ABCC8: variants seen among roughly 807,000 people sequenced by gnomAD.
ABCC8 encodes the protein ATP-binding cassette sub-family C member 8.
Under a neutral mutation model 188.0 loss-of-function variants are expected in ABCC8, and 137 were observed. The ratio of observed to expected loss-of-function variants is 0.73; its 90% CI spans 0.63 to 0.84. The LOEUF is 0.84. ABCC8 is among the 40% of genes least tolerant of loss of function. ABCC8 has a pLI of 0.00. For synonymous variants in ABCC8, 797 were observed against 846.5 expected (o/e 0.94, Z 1.01); for missense variants, 1,750 against 2,072.7 (o/e 0.84, Z 3.02).
At chr11:17,432,999 T>C (rs985996812) in intron 10 of ABCC8, among the ~76,000 whole-genome samples, 2 of 152,218 alleles carry the variant, frequency 1.3e-5, no homozygotes, top group African/African-American at 4.8e-5. Context: ...TACTTGTTCA[T>C]ACACCCCAGC....
At chr11:17,468,081 G>T (rs1310660821) in intron 3 of ABCC8, among the ~76,000 whole-genome samples, 2 of 152,208 alleles carry the variant, frequency 1.3e-5, no homozygotes, top group African/African-American at 4.8e-5. Flanking sequence ...GCTCTCTGAA[G>T]CCTGTATTTA....
intron 18 of ABCC8, 27 bp downstream of exon 18, chr11:17,415,277 G>A (rs1955014821): frequency 1.2e-6 from 2 of 1,601,848 alleles, no homozygotes; most frequent in African/African-American, 1.3e-5. Flanking sequence ...GTTGACCCTG[G>A]GGGGCAATGT....
chr11:17,424,371 G>C (rs1955489362), intron 16 of ABCC8, among the ~76,000 whole-genome samples: 1 of 152,248 alleles, frequency 6.6e-6, no homozygotes, highest in Admixed American at 6.5e-5. Flanking sequence ...CTCTGCCTTG[G>C]AGAGGCTCCT....
At chr11:17,419,597 T>C (rs1273979534) in intron 16 of ABCC8, among the ~76,000 whole-genome samples, 2 of 152,238 alleles carry the variant, frequency 1.3e-5, no homozygotes, top group Non-Finnish European at 2.9e-5. Flanking sequence ...TTTTCTAATG[T>C]AATGTGCATT....
intron 16 of ABCC8, among the ~76,000 whole-genome samples, chr11:17,421,925 C>T (rs948620092): frequency 6.6e-6 from 1 of 152,370 alleles, no homozygotes; most frequent in East Asian, 1.9e-4. Context: ...CTCCTTCTGG[C>T]TGCCTGGTCA....
intron 29 of ABCC8, among the ~76,000 whole-genome samples, chr11:17,399,664 C>A (rs1954134714): frequency 6.6e-6 from 1 of 152,222 alleles, no homozygotes; most frequent in Non-Finnish European, 1.5e-5. Flanking sequence ...ACATGCATTT[C>A]TCTAGCTATT....
intron 20 of ABCC8, 184 bp from the exon 21 acceptor site, chr11:17,412,930 A>G: frequency 7.5e-7 from 1 of 1,331,264 alleles, no homozygotes; most frequent in Non-Finnish European, 1.0e-6. Context: ...AGAGGGCAGC[A>G]TGAGCCCCAA....
downstream of ABCC8, chr11:17,392,646 CT>C (rs2133388927): frequency 2.7e-6 from 1 of 376,416 alleles, no homozygotes; most frequent in Non-Finnish European, 5.1e-6. Context: ...GAAACCAAAC[CT>C]GCCAACACCT....
chr11:17,450,148 T>C (rs1956704269), intron 7 of ABCC8, among the ~76,000 whole-genome samples: 1 of 152,314 alleles, frequency 6.6e-6, no homozygotes, highest in East Asian at 1.9e-4. Context: ...CTCTAACCCA[T>C]GAAGACACAG....
At chr11:17,468,424 A>G (rs1348222932) in intron 3 of ABCC8, among the ~76,000 whole-genome samples, 1 of 152,192 alleles carries the variant, frequency 6.6e-6, no homozygotes, top group Non-Finnish European at 1.5e-5. Context: ...ACCCCAACAC[A>G]GAGGCAGACC....
At chr11:17,438,192 C>T (rs1444417040) in intron 10 of ABCC8, among the ~76,000 whole-genome samples, 1 of 152,182 alleles carries the variant, frequency 6.6e-6, no homozygotes, top group African/African-American at 2.4e-5. Flanking sequence ...ACTGCCTGTT[C>T]TGAGTTAGCG....
At chr11:17,428,206 C>A in intron 14 of ABCC8, 83 bp downstream of exon 14, 3 of 1,599,082 alleles carry the variant, frequency 1.9e-6, no homozygotes, top group Non-Finnish European at 2.6e-6. Flanking sequence ...GAGGACTAAG[C>A]ATGCAGCTTT....
chr11:17,394,461 ATGGGATGGCT>A, intron 36 of ABCC8, 62 bp from the exon 37 acceptor site: 2 of 1,612,670 alleles, frequency 1.2e-6, no homozygotes, highest in Non-Finnish European at 1.7e-6. Flanking sequence ...AGTGGAGCAG[ATGGGATGGCT>A]TGGGGGGCTG....
chr11:17,425,392 C>T (rs1955535648), intron 16 of ABCC8, among the ~76,000 whole-genome samples: 1 of 152,230 alleles, frequency 6.6e-6, no homozygotes, highest in Non-Finnish European at 1.5e-5. Context: ...CAAAGTCTTT[C>T]TCCCTGCTCA....
chr11:17,462,676 T>C (rs1847897246), intron 4 of ABCC8, among the ~76,000 whole-genome samples: 1 of 152,242 alleles, frequency 6.6e-6, no homozygotes, highest in African/African-American at 2.4e-5. Context: ...GCTGAACACA[T>C]TATGGCTCAT....
chr11:17,411,891 CTTTTTTTTTTT>C (rs1262103548), intron 21 of ABCC8, among the ~76,000 whole-genome samples: 1 of 122,982 alleles, frequency 8.1e-6, no homozygotes, highest in Non-Finnish European at 1.7e-5. Context: ...CGAATACGTT[CTTTTTTTTTTT>C]TTTTTTTTTG....
Position 17,428,560 on chromosome 11 carries a change from C to G in ABCC8, c.1923+5G>C, listed in dbSNP as rs189149049. ...GGGAGTAGCAAGGGGAGGCCGGGCA[C>G]TCACCACCGCCTGGTACTTGCTGGC... On this transcript the variant is annotated splice_donor_5th_base_variant and intron_variant, in intron 13 of 38. Coordinates refer to ENST00000389817, the MANE Select transcript of ABCC8 (RefSeq NM_000352.6). 1 of 1,614,036 alleles carries G rather than the reference C, an allele frequency of 6.2e-7. No homozygotes were observed. The highest frequency in any genetic ancestry group is 8.5e-7 in the Non-Finnish European group (1 of 1,180,004).
intron 33 of ABCC8, 36 bp from the exon 34 acceptor site, chr11:17,395,966 C>CT (rs1396663648): frequency 3.2e-6 from 5 of 1,553,940 alleles, no homozygotes; most frequent in Non-Finnish European, 4.4e-6. Context: ...CACTGGGACT[C>CT]TGGGGCTGCT....
At chr11:17,429,022 A>G (rs1242264367) in intron 12 of ABCC8, 1 of 341,478 alleles carries the variant, frequency 2.9e-6, no homozygotes, top group Non-Finnish European at 5.5e-6. Context: ...TAAAGAATCA[A>G]TAGCTAGTAT....
Sources: allele counts gnomAD v4.1 joint callset (sites outside exome capture counted in the v4.1 genomes callset), GRCh38; gene constraint gnomAD v4.1.1; transcripts MANE v1.5; gene names NCBI Gene and HGNC (gene_info 2026-07-23, HGNC 2026-07-21).